FHAD1: variants seen among roughly 807,000 people sequenced by gnomAD.
The protein encoded by FHAD1 is forkhead-associated domain-containing protein 1.
FHAD1 carries 146 observed loss-of-function variants against 191.3 expected under a neutral mutation model. The observed-to-expected ratio is 0.76, with a 90% CI of 0.67 to 0.88. The LOEUF is 0.88. Ranked by LOEUF, FHAD1 falls within the 40% of genes least tolerant of loss-of-function variation. The probability of loss-of-function intolerance (pLI) is 0.00; values close to 1 mark genes in which losing one functional copy is unlikely to be tolerated. For missense variants in FHAD1, 1,635 were observed against 1,785.8 expected (o/e 0.92, Z 1.52); for synonymous variants, 616 against 672.3 (o/e 0.92, Z 1.29).
chr1:15,244,826 T>A (rs565422703), upstream of FHAD1, among the ~76,000 whole-genome samples: 1 of 152,310 alleles, frequency 6.6e-6, no homozygotes, highest in East Asian at 1.9e-4. This position sits in a 1 kb window ranked among gnomAD's most constrained non-coding sequence, Gnocchi z 5.1. Context: ...TGATAAGTGA[T>A]GTATTAGTCC....
intron 3 of FHAD1, among the ~76,000 whole-genome samples, chr1:15,287,747 G>A (rs1195739798): frequency 1.3e-5 from 2 of 152,196 alleles, no homozygotes; most frequent in Non-Finnish European, 2.9e-5. Flanking sequence ...CTCCAAGAAA[G>A]AGCCTTAGGG....
chr1:15,310,250 C>T (rs1341150791), intron 7 of FHAD1, among the ~76,000 whole-genome samples: 2 of 152,226 alleles, frequency 1.3e-5, no homozygotes, highest in Admixed American at 1.3e-4. Flanking sequence ...CAGACACAAT[C>T]GCTGTCTCCG....
intron 28 of FHAD1, 98 bp from the exon 29 acceptor site, chr1:15,380,603 T>G: frequency 3.2e-6 from 3 of 941,416 alleles, no homozygotes; most frequent in Non-Finnish European, 5.0e-6. Context: ...TCAACTCTCT[T>G]GAGTTAATCT....
chr1:15,331,118 G>T (rs1222257170), intron 14 of FHAD1, among the ~76,000 whole-genome samples: 1 of 152,074 alleles, frequency 6.6e-6, no homozygotes, highest in Admixed American at 6.5e-5. Flanking sequence ...AGACGGATGT[G>T]ATTTCTTTGC....
At chr1:15,313,291 A>C in intron 8 of FHAD1, 104 bp downstream of exon 8, 1 of 762,904 alleles carries the variant, frequency 1.3e-6, no homozygotes, top group Non-Finnish European at 1.7e-6. Flanking sequence ...CTTAGTTTAA[A>C]TTTCATTCCT....
At chr1:15,238,356 G>C (rs1231154820) in intron 1 of FHAD1, among the ~76,000 whole-genome samples, 2 of 152,052 alleles carry the variant, frequency 1.3e-5, no homozygotes, top group African/African-American at 4.8e-5. Flanking sequence ...CAAGGGCTGA[G>C]GTCATCTCAA....
At chr1:15,242,799 C>T (rs1460723078), upstream of FHAD1, among the ~76,000 whole-genome samples, 1 of 152,114 alleles carries the variant, frequency 6.6e-6, no homozygotes, top group African/African-American at 2.4e-5. Context: ...GGGCTCTCTT[C>T]GCACAGCATC....
Position 15,316,215 on chromosome 1 carries a change from C to T in FHAD1, c.1171-163C>T, listed in dbSNP as rs1440430184. The stretch of plus-strand genomic sequence containing the variant: ...GAACAGCTTTGGGATCCTGTGTGCC[C>T]GTCAGACACCATGGGATGCCTTTTG... On this transcript the variant is annotated intron_variant, in intron 8 of 33. Coordinates refer to ENST00000688493, the MANE Select transcript of FHAD1 (RefSeq NM_001391957.1). This position sits in a 1 kb window ranked among gnomAD's most constrained non-coding sequence, Gnocchi z 4.3. Among the ~76,000 whole-genome samples, 1 of 152,220 alleles carries T rather than the reference C, an allele frequency of 6.6e-6. No homozygotes were observed. The highest frequency in any genetic ancestry group is 2.1e-4 in the South Asian group (1 of 4,836).
At chr1:15,308,493 G>T in intron 6 of FHAD1, 120 bp from the exon 7 acceptor site, 1 of 1,392,586 alleles carries the variant, frequency 7.2e-7, no homozygotes, top group East Asian at 2.5e-5. Flanking sequence ...AAAAAGCTTG[G>T]TTTCCCCAAC....
At chr1:15,282,825 C>G (rs1046718072) in intron 3 of FHAD1, among the ~76,000 whole-genome samples, 1 of 152,208 alleles carries the variant, frequency 6.6e-6, no homozygotes, top group Non-Finnish European at 1.5e-5. Context: ...TTGTAACATT[C>G]CCTGATTTCT....
chr1:15,326,182 T>C (rs534641675), intron 11 of FHAD1: 19 of 152,392 alleles, frequency 1.2e-4, no homozygotes, highest in African/African-American at 4.3e-4. Flanking sequence ...GGGCCCCAGG[T>C]TGAGGCAGTA....
chr1:15,281,104 A>G (rs1178118622), intron 3 of FHAD1, among the ~76,000 whole-genome samples: 1 of 152,190 alleles, frequency 6.6e-6, no homozygotes, highest in Non-Finnish European at 1.5e-5. Context: ...TTATTGCCCC[A>G]TTTTGAATCC....
upstream of FHAD1, among the ~76,000 whole-genome samples, chr1:15,243,930 G>A (rs1041118440): frequency 3.9e-5 from 6 of 152,082 alleles, no homozygotes; most frequent in African/African-American, 1.4e-4. Context: ...TGTGACTTTA[G>A]GCAGATTTCT....
At chr1:15,301,485 C>T (rs1244567568) in intron 6 of FHAD1, 44 bp downstream of exon 6, 8 of 1,524,962 alleles carry the variant, frequency 5.2e-6, no homozygotes, top group Non-Finnish European at 6.2e-6. Flanking sequence ...CAGGCCAAGG[C>T]CCGGGAGGCC....
At chr1:15,401,721 G>T (rs1460296946), downstream of FHAD1, among the ~76,000 whole-genome samples, 1 of 152,196 alleles carries the variant, frequency 6.6e-6, no homozygotes, top group Non-Finnish European at 1.5e-5. Flanking sequence ...ATCCACTAAG[G>T]ATGTGAGGAA....
rs1219416283 is a variant in FHAD1, at chr1:15,317,917, G to C, written c.1354G>C (p.Glu452Gln). The C allele has an allele frequency of 6.4e-7, 1 of 1,550,660 alleles. No individual in the cohort carries two copies. The highest frequency in any genetic ancestry group is 1.2e-5 in the South Asian group (1 of 83,992). ...AAGCGTGATCTCTAGGACTCTGAGAGAAAAAAGCAAGGTACGTAGTGGACA... is the reference window on the plus strand; with the variant it reads ...AAGCGTGATCTCTAGGACTCTGAGACAAAAAAGCAAGGTACGTAGTGGACA... ...EQSVISRTLR[E>Q]KSKVEEKLQE... Residue 452 changes from glutamate to glutamine, a missense_variant, in exon 10 of 34, where the codon GAA becomes CAA. Transcript: ENST00000688493.
At chr1:15,313,324 GGGCGGGGTGGT>G in intron 8 of FHAD1, 137 bp downstream of exon 8, 5 of 916,042 alleles carry the variant, frequency 5.5e-6, no homozygotes, top group Non-Finnish European at 7.7e-6. Context: ...ATTGTGCTGG[GGGCGGGGTGGT>G]GGGGGGGTGG....
intron 27 of FHAD1, among the ~76,000 whole-genome samples, chr1:15,375,172 A>T (rs909918344): frequency 6.6e-6 from 1 of 152,116 alleles, no homozygotes; most frequent in African/African-American, 2.4e-5. Flanking sequence ...TTCTTATTTC[A>T]TGGTGGCTGG....
Position 15,289,763 on chromosome 1 carries a change from A to G in FHAD1, c.568+97A>G, listed in dbSNP as rs1406404164. 2 of 1,411,922 alleles carry G rather than the reference A, an allele frequency of 1.4e-6. No individual in the cohort carries two copies. Among genetic ancestry groups the G allele is most frequent in the East Asian group, 2.5e-5 (1 of 39,776 alleles). 87.5% of individuals were successfully genotyped at this position (1,411,922 alleles called of 1,614,324 possible). ...TACTTTCTGATTCTAAAAGTAGAACATATTCAATTGTAAAAAATGAAAATA... is the reference window on the plus strand; with the variant it reads ...TACTTTCTGATTCTAAAAGTAGAACGTATTCAATTGTAAAAAATGAAAATA... On this transcript the variant is annotated intron_variant, in intron 4 of 33. Coordinates refer to ENST00000688493, the MANE Select transcript of FHAD1 (RefSeq NM_001391957.1). The surrounding 1 kb of genome is among the most constrained non-coding windows in gnomAD (Gnocchi z 4.2).
Sources: allele counts gnomAD v4.1 joint callset (sites outside exome capture counted in the v4.1 genomes callset), GRCh38; gene constraint gnomAD v4.1.1; non-coding constraint Gnocchi (gnomAD v3.1); transcripts MANE v1.5; gene names NCBI Gene and HGNC (gene_info 2026-07-23, HGNC 2026-07-21).